The following WSCD1 variants were observed in gnomAD, a reference collection of about 807,000 sequenced individuals.
WSCD1 encodes the protein sialate:O-sulfotransferase 1.
WSCD1 carries 41 observed loss-of-function variants against 60.4 expected under a neutral mutation model. The observed-to-expected ratio is 0.68, with a 90% confidence interval of 0.53 to 0.88. The LOEUF (loss-of-function observed/expected upper bound fraction) is 0.88, where lower values mean the gene tolerates loss of function less well. Among genes scored for constraint, WSCD1 ranks in the 40% least tolerant of loss-of-function variants. The pLI, the probability that WSCD1 is intolerant of heterozygous loss-of-function variation, is 0.00. For missense variants in WSCD1, 784 were observed against 796.2 expected, an observed-to-expected ratio of 0.98 and a Z score of 0.18; for synonymous variants, 361 against 332.5, an observed-to-expected ratio of 1.09 and a Z score of -0.93.
intron 5 of WSCD1, among the ~76,000 whole-genome samples, chr17:6,103,577 T>G (rs1397367499): frequency 6.6e-6 from 1 of 152,126 alleles, no homozygotes; most frequent in Non-Finnish European, 1.5e-5. Context: ...ACATCCCACA[T>G]CCCACAGGGT....
intron 1 of WSCD1, among the ~76,000 whole-genome samples, chr17:6,074,074 T>C (rs1027551369): frequency 2.0e-5 from 3 of 152,266 alleles, no homozygotes; most frequent in African/African-American, 7.2e-5. Flanking sequence ...TAATATGGTA[T>C]GTTAAATTTT....
intron 8 of WSCD1, among the ~76,000 whole-genome samples, chr17:6,119,609 A>G (rs1192873663): frequency 7.9e-5 from 12 of 152,014 alleles, no homozygotes; most frequent in Non-Finnish European, 1.6e-4. Context: ...TTACTTAGAC[A>G]GCCCCCGACA....
intron 2 of WSCD1, among the ~76,000 whole-genome samples, chr17:6,085,279 C>T (rs933197610): frequency 1.3e-5 from 2 of 152,158 alleles, no homozygotes; most frequent in African/African-American, 4.8e-5. Context: ...GCCGCTATCA[C>T]TGTTTTAATG....
chr17:6,085,501 CAG>C (rs1346878991), intron 2 of WSCD1, among the ~76,000 whole-genome samples: 2 of 152,098 alleles, frequency 1.3e-5, no homozygotes, highest in Non-Finnish European at 2.9e-5. Context: ...AGTTGAGGCT[CAG>C]AGAGAGGCAG....
At chr17:6,108,287 T>C (rs900507550) in intron 5 of WSCD1, among the ~76,000 whole-genome samples, 3 of 152,172 alleles carry the variant, frequency 2.0e-5, no homozygotes, top group Non-Finnish European at 4.4e-5. Flanking sequence ...AGATTTTTGC[T>C]GTGAGCAAAA....
Position 6,110,618 on chromosome 17 carries a change from T to C in WSCD1, c.1010-153T>C, listed in dbSNP as rs1462003990. 6.6e-6 allele frequency among the ~76,000 whole-genome samples: 1 copy of C among 151,958 alleles called. No homozygotes were observed. The highest frequency in any genetic ancestry group is 6.5e-5 in the Admixed American group (1 of 15,270). On this transcript the variant is annotated intron_variant, in intron 6 of 8. Transcript: ENST00000317744. The surrounding 1 kb of genome is among the most constrained non-coding windows in gnomAD (Gnocchi z 4.8). ...TGGCCACAGACCTGTGCAGCTAAGGTATATTTGGAAGATCTCTTCCCTTCT... is the reference window on the plus strand; with the variant it reads ...TGGCCACAGACCTGTGCAGCTAAGGCATATTTGGAAGATCTCTTCCCTTCT...
At position 6,118,191 on chromosome 17, in the gene WSCD1, A is replaced by G. The variant is rs911291670; in HGVS notation, c.1375+3A>G. The G allele has an allele frequency of 5.6e-6, 9 of 1,613,930 alleles. No individual in the cohort carries two copies. Among genetic ancestry groups the G allele is most frequent in the Non-Finnish European group, 6.8e-6 (8 of 1,179,946 alleles). On this transcript the variant is annotated splice_donor_region_variant and intron_variant, in intron 8 of 8. Coordinates refer to ENST00000317744, the MANE Select transcript of WSCD1 (RefSeq NM_015253.2). This position sits in a 1 kb window ranked among gnomAD's most constrained non-coding sequence, Gnocchi z 5.8. The stretch of plus-strand genomic sequence containing the variant: ...TGACCGCAACTGGAAGAGCAAAGGT[A>G]ATCAAGGACCTTGCGGTGGGGGTGG...
intron 2 of WSCD1, among the ~76,000 whole-genome samples, chr17:6,087,139 AC>A (rs1328104820): frequency 5.9e-5 from 9 of 152,160 alleles, no homozygotes; most frequent in African/African-American, 1.9e-4. Flanking sequence ...CTCCTTCAAA[AC>A]ACTGGTGCGC....
chr17:6,106,993 G>T (rs1406502693), intron 5 of WSCD1, among the ~76,000 whole-genome samples: 1 of 152,134 alleles, frequency 6.6e-6, no homozygotes, highest in Non-Finnish European at 1.5e-5. Context: ...CACAGACTGG[G>T]CAGTGTAAAC....
chr17:6,106,689 G>A (rs1009494306), intron 5 of WSCD1, among the ~76,000 whole-genome samples: 6 of 152,224 alleles, frequency 3.9e-5, no homozygotes, highest in African/African-American at 1.4e-4. Flanking sequence ...TGGGATCAGA[G>A]CATGTCATCA....
intron 7 of WSCD1, among the ~76,000 whole-genome samples, chr17:6,115,498 T>C (rs150328374): frequency 0.011 from 1,591 of 147,768 alleles, 22 homozygotes; most frequent in African/African-American, 0.033. Context: ...GACAAGTCCA[T>C]TGGCATCAAA....
At chr17:6,079,859 C>A (rs1298647815) in intron 1 of WSCD1, among the ~76,000 whole-genome samples, 1 of 152,220 alleles carries the variant, frequency 6.6e-6, no homozygotes, top group Non-Finnish European at 1.5e-5. Context: ...CGAACACAGA[C>A]TCTTCAAAAC....
chr17:6,088,189 A>C (rs1320056611), intron 3 of WSCD1, 85 bp downstream of exon 3: 4 of 1,182,986 alleles, frequency 3.4e-6, no homozygotes, highest in South Asian at 1.3e-5. Flanking sequence ...ATCAGCTACC[A>C]GTTGGCTGTC....
chr17:6,112,447 C>T (rs566938398), intron 7 of WSCD1, among the ~76,000 whole-genome samples: 5 of 152,044 alleles, frequency 3.3e-5, no homozygotes, highest in Non-Finnish European at 7.4e-5. Flanking sequence ...TAATGGAAGT[C>T]CTATGCAGCA....
At chr17:6,069,196 A>G, upstream of WSCD1, 1 of 398,702 alleles carries the variant, frequency 2.5e-6, no homozygotes, top group East Asian at 3.6e-5. Flanking sequence ...GCATCTTAGC[A>G]GCCAGCTCCG....
In WSCD1 at chr17:6,082,632, T is replaced by G. The variant is rs142421849; in HGVS notation, c.427+1547T>G. 3.1e-3 allele frequency among the ~76,000 whole-genome samples: 465 copies of G among 152,278 alleles called. 3 individuals carry two copies. Among genetic ancestry groups the G allele is most frequent in the African/African-American group, 0.01 (435 of 41,558 alleles). On this transcript the variant is annotated intron_variant, in intron 2 of 8. Coordinates refer to ENST00000317744, the MANE Select transcript of WSCD1 (RefSeq NM_015253.2). ...AGTTGTTGTTGGAGGGTGACTGAGCTCAGTCAGCTTCTCAGCATCCCTGTC... is the reference window on the plus strand; with the variant it reads ...AGTTGTTGTTGGAGGGTGACTGAGCGCAGTCAGCTTCTCAGCATCCCTGTC...
At chr17:6,078,266 C>T (rs1366985353) in intron 1 of WSCD1, among the ~76,000 whole-genome samples, 5 of 152,254 alleles carry the variant, frequency 3.3e-5, no homozygotes, top group African/African-American at 1.2e-4. Flanking sequence ...GGCATGGCCT[C>T]TACCCCTAAG....
chr17:6,073,750 G>T (rs1312335793), intron 1 of WSCD1, among the ~76,000 whole-genome samples: 1 of 152,246 alleles, frequency 6.6e-6, no homozygotes, highest in Non-Finnish European at 1.5e-5. Context: ...TGCCGGCCCC[G>T]GCGCTGGTGC....
chr17:6,092,989 C>T (rs1485611461), intron 4 of WSCD1, among the ~76,000 whole-genome samples: 2 of 152,226 alleles, frequency 1.3e-5, no homozygotes, highest in Non-Finnish European at 2.9e-5. Context: ...GACCAGGTGA[C>T]CACCATTGTG....
Sources: gnomAD v4.1 joint callset for allele counts (sites outside exome capture counted in the v4.1 genomes callset) on GRCh38, gnomAD v4.1.1 for gene constraint, Gnocchi (gnomAD v3.1) non-coding constraint, MANE v1.5 for transcripts, NCBI Gene and HGNC (gene_info 2026-07-23, HGNC 2026-07-21) for gene names.